The following GTF2IRD1 variants were observed in gnomAD, a reference collection of about 807,000 sequenced individuals.
GTF2IRD1 encodes the protein GTF2I repeat domain containing 1.
Under a neutral mutation model 113.2 loss-of-function variants are expected in GTF2IRD1, and 26 were observed. The observed-to-expected ratio is 0.23, with a 90% CI of 0.17 to 0.32. The LOEUF is 0.32. GTF2IRD1 is among the 10% of genes least tolerant of loss of function. The pLI is 1.00. For synonymous variants in GTF2IRD1, 484 were observed against 529.1 expected, an observed-to-expected ratio of 0.91 and a Z score of 1.17; for missense variants, 864 against 1,280.8, an observed-to-expected ratio of 0.67 and a Z score of 4.97.
At chr7:74,582,141 G>A (rs1431235163) in intron 22 of GTF2IRD1, among the ~76,000 whole-genome samples, 10 of 152,232 alleles carry the variant, frequency 6.6e-5, no homozygotes, top group Admixed American at 2.0e-4. Flanking sequence ...GATTCCTGTC[G>A]GGCAAGACTG....
chr7:74,531,179 C>T (rs923722626), intron 9 of GTF2IRD1, among the ~76,000 whole-genome samples: 3 of 151,728 alleles, frequency 2.0e-5, no homozygotes, highest in Admixed American at 6.6e-5. Context: ...GAGACCAGCC[C>T]GGCCAACATG....
chr7:74,496,808 G>C (rs139072357), intron 1 of GTF2IRD1, among the ~76,000 whole-genome samples: 6 of 151,994 alleles, frequency 3.9e-5, no homozygotes, highest in Non-Finnish European at 8.8e-5. Flanking sequence ...AACGACACTC[G>C]ACAGTGGACA....
Position 74,555,398 on chromosome 7 carries a change from G to T in GTF2IRD1, c.1967-40G>T, listed in dbSNP as rs797034483. ...GATGCCATCTTGGGTCCCAGGAACT[G>T]CCTCCTCACTTGGCTTCTCTCCCCC... On this transcript the variant is annotated intron_variant, in intron 18 of 26. Transcript: ENST00000424337. The surrounding 1 kb of genome is among the most constrained non-coding windows in gnomAD (Gnocchi z 5.3). The T allele has an allele frequency of 1.9e-6, 3 of 1,611,782 alleles. No individual in the cohort carries two copies. Among genetic ancestry groups the T allele is most frequent in the Non-Finnish European group, 2.5e-6 (3 of 1,177,886 alleles).
At chr7:74,553,770 T>C (rs1337853116) in intron 17 of GTF2IRD1, among the ~76,000 whole-genome samples, 1 of 152,188 alleles carries the variant, frequency 6.6e-6, no homozygotes. Context: ...TACTCTGGCC[T>C]GGGACTCAGG....
chr7:74,584,502 A>T (rs782364267), intron 22 of GTF2IRD1, among the ~76,000 whole-genome samples: 6 of 152,232 alleles, frequency 3.9e-5, no homozygotes, highest in Non-Finnish European at 7.3e-5. Flanking sequence ...TCCTGTGCTC[A>T]GTAAATCTGC....
At chr7:74,526,878 T>C (rs1332514854) in intron 8 of GTF2IRD1, among the ~76,000 whole-genome samples, 1 of 151,968 alleles carries the variant, frequency 6.6e-6, no homozygotes, top group Non-Finnish European at 1.5e-5. Context: ...AAGTGTGACA[T>C]CTCAGTGGGA....
chr7:74,560,408 A>G (rs1799874467), intron 22 of GTF2IRD1, among the ~76,000 whole-genome samples: 1 of 151,106 alleles, frequency 6.6e-6, no homozygotes, highest in Admixed American at 6.6e-5. Flanking sequence ...CCTGCCTTAA[A>G]CAGTGCAGTG....
At chr7:74,500,583 T>G (rs1417109196) in intron 1 of GTF2IRD1, among the ~76,000 whole-genome samples, 1 of 149,594 alleles carries the variant, frequency 6.7e-6, no homozygotes, top group Admixed American at 6.6e-5. Flanking sequence ...CTGAGGTTGT[T>G]CGTGTATGTG....
chr7:74,588,426 C>T (rs1366273289), intron 22 of GTF2IRD1, among the ~76,000 whole-genome samples: 1 of 152,078 alleles, frequency 6.6e-6, no homozygotes, highest in African/African-American at 2.4e-5. Flanking sequence ...ATCTTTCACG[C>T]TTGAGTGCCT....
At chr7:74,475,744 G>A (rs1019901254) in intron 1 of GTF2IRD1, among the ~76,000 whole-genome samples, 29 of 152,212 alleles carry the variant, frequency 1.9e-4, no homozygotes, top group Admixed American at 1.9e-3. Context: ...CCGGATGTGT[G>A]TGCATGCGCA....
At chr7:74,516,201 G>A (rs1198354143) in intron 4 of GTF2IRD1, among the ~76,000 whole-genome samples, 1 of 152,202 alleles carries the variant, frequency 6.6e-6, no homozygotes, top group Non-Finnish European at 1.5e-5. Flanking sequence ...CACCTGCGTG[G>A]CACTGAGGCT....
chr7:74,519,799 T>G, intron 6 of GTF2IRD1, 80 bp downstream of exon 6: 1 of 1,028,052 alleles, frequency 9.7e-7, no homozygotes, highest in Non-Finnish European at 1.4e-6. Context: ...CCAGGGCAGG[T>G]CAGGATGCCT....
chr7:74,559,564 A>G, intron 21 of GTF2IRD1, 63 bp from the exon 22 acceptor site: 7 of 1,458,080 alleles, frequency 4.8e-6, no homozygotes, highest in Non-Finnish European at 6.6e-6. Context: ...ACTGAATCCC[A>G]GGGGTGTCTT....
intron 25 of GTF2IRD1, among the ~76,000 whole-genome samples, chr7:74,597,506 C>T (rs1422840993): frequency 6.6e-6 from 1 of 151,820 alleles, no homozygotes; most frequent in East Asian, 1.9e-4. Flanking sequence ...CCACCACACC[C>T]AGCTAATTTT....
chr7:74,561,322 T>C (rs1389844781), intron 22 of GTF2IRD1, among the ~76,000 whole-genome samples: 6 of 146,240 alleles, frequency 4.1e-5, no homozygotes, highest in Admixed American at 1.4e-4. Flanking sequence ...GCACTCCACC[T>C]TGGGCGACGG....
intron 8 of GTF2IRD1, among the ~76,000 whole-genome samples, chr7:74,525,353 C>T (rs931653228): frequency 2.0e-5 from 3 of 152,146 alleles, no homozygotes; most frequent in South Asian, 2.1e-4. Context: ...CCCTGCCTGC[C>T]GCTGTCTCCC....
In GTF2IRD1 at chr7:74,562,555, C is replaced by CTTTTTTTT. The variant is rs1167468655; in HGVS notation, c.2320+2922_2320+2929dup. On this transcript the variant is annotated intron_variant, in intron 22 of 26. Transcript: ENST00000424337. ...AGGACTATTTTCCGCCAATTGCCCTCTTTTTTTTTTTTTTTTTTTTTTTTT... is the reference window on the plus strand; with the variant it reads ...AGGACTATTTTCCGCCAATTGCCCTCTTTTTTTTTTTTTTTTTTTTTTTTTTTTTTTTT... Among the ~76,000 whole-genome samples the CTTTTTTTT allele has an allele frequency of 6.9e-4, 43 of 62,704 alleles. 8 individuals carry two copies. The highest frequency in any genetic ancestry group is 2.8e-3 in the African/African-American group (35 of 12,566). 41.1% of individuals were successfully genotyped at this position (62,704 alleles called of 152,430 possible). A position where few individuals can be genotyped will look rare whatever the true frequency, so the allele number is the denominator to read the frequency against.
chr7:74,471,441 C>G (rs138277998), intron 1 of GTF2IRD1, among the ~76,000 whole-genome samples: 1 of 151,666 alleles, frequency 6.6e-6, no homozygotes, highest in African/African-American at 2.4e-5. Context: ...GCTGGGAGTT[C>G]AAGCCTGCGG....
chr7:74,483,377 A>T (rs1666260672), intron 1 of GTF2IRD1, among the ~76,000 whole-genome samples: 1 of 151,988 alleles, frequency 6.6e-6, no homozygotes, highest in African/African-American at 2.4e-5. Context: ...ATCTCTAAAA[A>T]AAAAAAAATT....
Sources: gnomAD v4.1 joint callset for allele counts (sites outside exome capture counted in the v4.1 genomes callset) on GRCh38, gnomAD v4.1.1 for gene constraint, Gnocchi (gnomAD v3.1) non-coding constraint, MANE v1.5 for transcripts, NCBI Gene and HGNC (gene_info 2026-07-23, HGNC 2026-07-21) for gene names.